ITGA9: variants seen among roughly 807,000 people sequenced by gnomAD.
The protein encoded by ITGA9 is integrin subunit alpha 9, also known as integrin alpha-9.
Under a neutral mutation model 127.8 loss-of-function variants are expected in ITGA9, and 56 were observed. The ratio of observed to expected loss-of-function variants is 0.44; its 90% CI spans 0.35 to 0.55. ITGA9 has a LOEUF of 0.55. Ranked by LOEUF, ITGA9 falls within the 20% of genes least tolerant of loss-of-function variation. ITGA9 has a pLI of 0.00. For synonymous variants in ITGA9, 508 were observed against 514.5 expected (o/e 0.99, Z 0.17); for missense variants, 1,196 against 1,347.1 (o/e 0.89, Z 1.76).
At chr3:37,561,766 T>C (rs1444073198) in intron 15 of ITGA9, among the ~76,000 whole-genome samples, 1 of 152,202 alleles carries the variant, frequency 6.6e-6, no homozygotes, top group African/African-American at 2.4e-5. Flanking sequence ...GCGTGGCTTT[T>C]TATGACACTG....
intron 3 of ITGA9, among the ~76,000 whole-genome samples, chr3:37,473,746 G>A (rs1379196618): frequency 6.6e-6 from 1 of 152,022 alleles, no homozygotes; most frequent in African/African-American, 2.4e-5. Flanking sequence ...GTCTTAAATT[G>A]AGGTATAATT....
At chr3:37,640,973 G>T (rs1039756066) in intron 16 of ITGA9, among the ~76,000 whole-genome samples, 3 of 152,206 alleles carry the variant, frequency 2.0e-5, no homozygotes, top group African/African-American at 7.2e-5. Flanking sequence ...AGGAGAGGAT[G>T]AGGCCGTCAT....
intron 1 of ITGA9, among the ~76,000 whole-genome samples, chr3:37,459,195 G>C (rs1698291438): frequency 2.6e-5 from 4 of 152,228 alleles, no homozygotes; most frequent in Admixed American, 2.6e-4. Context: ...TAGATGTCAA[G>C]TGCTATCTAC....
intron 18 of ITGA9, among the ~76,000 whole-genome samples, chr3:37,727,729 C>T (rs957892265): frequency 2.0e-5 from 3 of 152,136 alleles, no homozygotes; most frequent in Non-Finnish European, 2.9e-5. Context: ...GTCTGGTTTT[C>T]GGTACAATCA....
chr3:37,522,549 G>C (rs575376384), intron 11 of ITGA9, among the ~76,000 whole-genome samples: 7 of 152,108 alleles, frequency 4.6e-5, no homozygotes, highest in Admixed American at 3.9e-4. Context: ...AACATGGCGA[G>C]ACCCCGTCTG....
rs573345226 is a variant in ITGA9, at chr3:37,600,741, G to A, written c.1690-28446G>A. On this transcript the variant is annotated intron_variant, in intron 15 of 27. Coordinates refer to ENST00000264741, the MANE Select transcript of ITGA9 (RefSeq NM_002207.3). ...TCTCATCTCCCCACTGGAGCTCCAT[G>A]GGCAGAAAGCACTCTTTCTCTTCTG... is the stretch of plus-strand genomic sequence containing the variant. 4.6e-5 allele frequency among the ~76,000 whole-genome samples: 7 copies of A among 152,182 alleles called. No individual in the cohort carries two copies. The South Asian group carries it at 1.2e-3, about 27-fold the overall frequency.
intron 17 of ITGA9, among the ~76,000 whole-genome samples, chr3:37,664,442 T>C (rs111811406): frequency 7.8e-6 from 1 of 127,856 alleles, no homozygotes; most frequent in African/African-American, 3.3e-5. Flanking sequence ...TTTTTTTTTT[T>C]AGACGGAGTT....
intron 17 of ITGA9, among the ~76,000 whole-genome samples, chr3:37,660,928 T>C (rs1251186072): frequency 1.3e-5 from 2 of 152,158 alleles, no homozygotes; most frequent in Non-Finnish European, 2.9e-5. Flanking sequence ...ATAACAGAGG[T>C]ACAAGAAGGC....
intron 27 of ITGA9, among the ~76,000 whole-genome samples, chr3:37,805,307 C>T (rs1008272721): frequency 3.9e-5 from 6 of 152,164 alleles, no homozygotes; most frequent in Admixed American, 2.0e-4. Context: ...CCTCAGCCTC[C>T]CAAAGTGCTG....
chr3:37,567,563 C>T (rs1014313174), intron 15 of ITGA9, among the ~76,000 whole-genome samples: 1 of 152,144 alleles, frequency 6.6e-6, no homozygotes, highest in Non-Finnish European at 1.5e-5. Flanking sequence ...CAAGGCAAGT[C>T]CCTTCCACCT....
At chr3:37,616,572 G>T (rs1700076901) in intron 15 of ITGA9, among the ~76,000 whole-genome samples, 1 of 152,172 alleles carries the variant, frequency 6.6e-6, no homozygotes, top group Non-Finnish European at 1.5e-5. Context: ...GGGTGTTAAA[G>T]TCTCCCATTA....
chr3:37,740,924 C>T (rs1020907361), intron 20 of ITGA9, among the ~76,000 whole-genome samples: 4 of 152,132 alleles, frequency 2.6e-5, no homozygotes, highest in Admixed American at 6.5e-5. Flanking sequence ...GGGTCTATAG[C>T]GAGAGCTTCC....
At chr3:37,622,153 C>T (rs114074219) in intron 15 of ITGA9, among the ~76,000 whole-genome samples, 29,172 of 97,382 alleles carry the variant, frequency 0.3, 3,128 homozygotes, top group African/African-American at 0.36. Flanking sequence ...TTTTTTTTTT[C>T]CCCGGCTCAC....
intron 15 of ITGA9, among the ~76,000 whole-genome samples, chr3:37,543,799 A>G (rs1699299594): frequency 6.6e-6 from 1 of 152,180 alleles, no homozygotes; most frequent in Non-Finnish European, 1.5e-5. Context: ...CCATGAGTCC[A>G]TGCCCCTCAG....
chr3:37,709,011 G>A (rs1364369602), intron 18 of ITGA9, among the ~76,000 whole-genome samples: 3 of 152,170 alleles, frequency 2.0e-5, no homozygotes, highest in Non-Finnish European at 4.4e-5. Flanking sequence ...CCTTGGGCAA[G>A]TTCAATGATG....
intron 15 of ITGA9, among the ~76,000 whole-genome samples, chr3:37,605,966 G>A (rs993255871): frequency 1.3e-5 from 2 of 152,150 alleles, no homozygotes; most frequent in Non-Finnish European, 2.9e-5. Context: ...GTGACATGCT[G>A]CGAGTGTGAG....
chr3:37,577,546 A>G (rs1194933746), intron 15 of ITGA9, among the ~76,000 whole-genome samples: 1 of 152,250 alleles, frequency 6.6e-6, no homozygotes, highest in African/African-American at 2.4e-5. Context: ...TAAAAGGCAT[A>G]AAAAAGTGGC....
intron 18 of ITGA9, among the ~76,000 whole-genome samples, chr3:37,703,479 A>G (rs575897157): frequency 3.3e-5 from 5 of 152,238 alleles, no homozygotes; most frequent in Admixed American, 6.5e-5. Context: ...AAGGTCAATT[A>G]TATCTTAAAA....
At chr3:37,786,018 T>TACCC (rs1246110772) in intron 26 of ITGA9, among the ~76,000 whole-genome samples, 1 of 48,708 alleles carries the variant, frequency 2.1e-5, no homozygotes, top group Non-Finnish European at 4.3e-5. Context: ...AGCAGGGGGG[T>TACCC]TGAGGGGGGT....
Sources: allele counts gnomAD v4.1 joint callset (sites outside exome capture counted in the v4.1 genomes callset), GRCh38; gene constraint gnomAD v4.1.1; transcripts MANE v1.5; gene names NCBI Gene and HGNC (gene_info 2026-07-23, HGNC 2026-07-21).